NOL10: variants seen among roughly 807,000 people sequenced by gnomAD.
NOL10 encodes the protein H_NH0074G24.1.
Under a neutral mutation model 103.5 loss-of-function variants are expected in NOL10, and 58 were observed. That is an observed-to-expected ratio of 0.56 (90% CI 0.45 to 0.70). The LOEUF is 0.70. Ranked by LOEUF, NOL10 falls within the 30% of genes least tolerant of loss-of-function variation. The pLI is 0.00. For synonymous variants in NOL10, 287 were observed against 282.5 expected (o/e 1.02, Z -0.16); for missense variants, 763 against 807.3 (o/e 0.95, Z 0.67).
intron 8 of NOL10, among the ~76,000 whole-genome samples, chr2:10,663,794 CA>C (rs1422952175): frequency 6.6e-6 from 1 of 151,510 alleles, no homozygotes; most frequent in African/African-American, 2.4e-5. Flanking sequence ...CTAAAAAATA[CA>C]AAAAATTAGC....
At chr2:10,662,588 A>G (rs1354400725) in intron 9 of NOL10, among the ~76,000 whole-genome samples, 1 of 151,272 alleles carries the variant, frequency 6.6e-6, no homozygotes, top group East Asian at 1.9e-4. Flanking sequence ...GCAAACAGGA[A>G]CAAGAAAATA....
chr2:10,646,377 G>A (rs919963845), intron 12 of NOL10, among the ~76,000 whole-genome samples: 4 of 152,100 alleles, frequency 2.6e-5, no homozygotes, highest in Non-Finnish European at 4.4e-5. Context: ...AACAAACCAC[G>A]GAAAGGGCTC....
intron 1 of NOL10, among the ~76,000 whole-genome samples, chr2:10,685,359 G>C (rs928170751): frequency 2.6e-5 from 4 of 151,822 alleles, no homozygotes; most frequent in African/African-American, 9.7e-5. Context: ...TAGGTGTGGT[G>C]GTGGGCACCT....
At chr2:10,616,400 A>T (rs1659741149) in intron 13 of NOL10, among the ~76,000 whole-genome samples, 1 of 151,014 alleles carries the variant, frequency 6.6e-6, no homozygotes, top group Admixed American at 6.6e-5. Context: ...TTGTATTTTT[A>T]GTAGAGACGG....
intron 19 of NOL10, among the ~76,000 whole-genome samples, chr2:10,580,325 G>A (rs925349319): frequency 3.9e-5 from 6 of 152,112 alleles, no homozygotes; most frequent in Admixed American, 3.9e-4. Flanking sequence ...TGGCAGAGGA[G>A]GATGGCAGAA....
intron 13 of NOL10, among the ~76,000 whole-genome samples, chr2:10,637,213 A>AAAAC (rs58205649): frequency 1.4e-5 from 2 of 138,846 alleles, no homozygotes; most frequent in Middle Eastern, 3.6e-3. Flanking sequence ...AAAAAAAAAA[A>AAAAC]CACACACACA....
intron 20 of NOL10, 79 bp downstream of exon 20, chr2:10,577,557 C>T (rs530357217): frequency 9.9e-7 from 1 of 1,007,554 alleles, no homozygotes; most frequent in South Asian, 1.5e-5. Flanking sequence ...GAAGGCTGCT[C>T]TGAGGACACA....
At position 10,659,172 on chromosome 2, in the gene NOL10, C is replaced by G; in HGVS notation, c.756G>C (p.Gln252His). Residue 252 changes from glutamine to histidine, a missense_variant and splice_region_variant, in exon 10 of 21, where the codon CAG becomes CAC. Physicochemically the swap from Gln to His is conservative, Grantham distance 24 (BLOSUM62 0). Transcript: ENST00000381685. Reference sequence around the variant, plus strand: ...TGGTTTCCAAATTAAACATATTTACCTGCCCTGTGGTTGTTCCAACTGCCA... The same window carrying G: ...TGGTTTCCAAATTAAACATATTTACGTGCCCTGTGGTTGTTCCAACTGCCA... ...LTMAVGTTTG[Q>H]VLLYDLRSDK... The G allele has an allele frequency of 6.3e-7, 1 of 1,593,758 alleles. No homozygotes were observed. The highest frequency in any genetic ancestry group is 8.6e-7 in the Non-Finnish European group (1 of 1,167,916).
At chr2:10,592,140 G>A (rs779874353) in intron 17 of NOL10, among the ~76,000 whole-genome samples, 19 of 152,330 alleles carry the variant, frequency 1.2e-4, no homozygotes, top group Non-Finnish European at 2.5e-4. Context: ...ACTGGCAAGA[G>A]AGACAGGGCC....
At chr2:10,607,134 A>G in intron 14 of NOL10, 51 bp downstream of exon 14, 1 of 1,319,540 alleles carries the variant, frequency 7.6e-7, no homozygotes, top group Non-Finnish European at 1.0e-6. Flanking sequence ...ACTCAAAAAA[A>G]AAGTAGAAAT....
intron 13 of NOL10, among the ~76,000 whole-genome samples, chr2:10,636,442 A>C (rs1027650207): frequency 1.3e-5 from 2 of 149,868 alleles, no homozygotes; most frequent in Admixed American, 6.6e-5. Context: ...AAAAAAAAAA[A>C]AAAACACCAA....
intron 1 of NOL10, among the ~76,000 whole-genome samples, chr2:10,688,266 C>T (rs1412727083): frequency 2.0e-5 from 3 of 152,172 alleles, no homozygotes; most frequent in Non-Finnish European, 2.9e-5. Context: ...AGACATTTGT[C>T]GCACAGCAGC....
At position 10,571,523 on chromosome 2, in the gene NOL10, G is replaced by T. The variant is rs566902120; in HGVS notation, c.*548C>A. On this transcript the variant is annotated 3_prime_UTR_variant, in exon 21 of 21. Transcript: ENST00000381685. ...GGGATGCTCTCAACCTGCACCATTAGATTATACTCTCTTGGTATAAATTAT... is the reference window on the plus strand; with the variant it reads ...GGGATGCTCTCAACCTGCACCATTATATTATACTCTCTTGGTATAAATTAT... The T allele has an allele frequency of 1.3e-5, 2 of 152,650 alleles. No individual in the cohort carries two copies. Among genetic ancestry groups the T allele is most frequent in the African/African-American group, 4.8e-5 (2 of 41,426 alleles). 9.5% of individuals were successfully genotyped at this position (152,650 alleles called of 1,614,324 possible). A position where few individuals can be genotyped will look rare whatever the true frequency, so the allele number is the denominator to read the frequency against.
intron 12 of NOL10, among the ~76,000 whole-genome samples, chr2:10,652,870 C>T (rs940256997): frequency 1.3e-5 from 2 of 152,158 alleles, no homozygotes; most frequent in Admixed American, 6.5e-5. Context: ...CAGGGCTTGC[C>T]GCCTAAGAAT....
chr2:10,663,048 T>A lies in NOL10; in HGVS notation c.592-4A>T. Reference sequence around the variant, plus strand: ...GGTCCCAGCACTCCACTCTACCCTATGCAAATGAAAAACAATTTTAAATAA... The same window carrying A: ...GGTCCCAGCACTCCACTCTACCCTAAGCAAATGAAAAACAATTTTAAATAA... On this transcript the variant is annotated splice_polypyrimidine_tract_variant and splice_region_variant and intron_variant, in intron 8 of 20. Coordinates refer to ENST00000381685, the MANE Select transcript of NOL10 (RefSeq NM_024894.4). 1.2e-6 allele frequency: 2 copies of A among 1,612,426 alleles called. No individual in the cohort carries two copies. Among genetic ancestry groups the A allele is most frequent in the Non-Finnish European group, 1.7e-6 (2 of 1,178,720 alleles).
At chr2:10,635,527 A>AG (rs1678145690) in intron 13 of NOL10, among the ~76,000 whole-genome samples, 3 of 152,346 alleles carry the variant, frequency 2.0e-5, no homozygotes, top group African/African-American at 7.2e-5. Flanking sequence ...ACACAGAAGA[A>AG]GGGGGCTGAT....
At chr2:10,594,793 C>T (rs1163464895) in intron 17 of NOL10, among the ~76,000 whole-genome samples, 3 of 151,944 alleles carry the variant, frequency 2.0e-5, no homozygotes, top group African/African-American at 7.3e-5. Flanking sequence ...GAGTTGGAGA[C>T]CAGCCCGGAC....
chr2:10,632,532 T>C (rs1041061085), intron 13 of NOL10, among the ~76,000 whole-genome samples: 8 of 152,208 alleles, frequency 5.3e-5, no homozygotes, highest in Non-Finnish European at 1.2e-4. Context: ...TTTTACAACT[T>C]TGCAAATTGT....
At chr2:10,585,115 T>C (rs1674958035) in intron 19 of NOL10, among the ~76,000 whole-genome samples, 2 of 152,178 alleles carry the variant, frequency 1.3e-5, no homozygotes, top group South Asian at 2.1e-4. Flanking sequence ...TGTGTTGTCA[T>C]GGCAAAAAAG....
Sources: gnomAD v4.1 joint callset for allele counts (sites outside exome capture counted in the v4.1 genomes callset) on GRCh38, gnomAD v4.1.1 for gene constraint, MANE v1.5 for transcripts, NCBI Gene and HGNC (gene_info 2026-07-23, HGNC 2026-07-21) for gene names.